Variants in ST3GAL3 observed in about 807,000 individuals in gnomAD.
ST3GAL3 encodes the protein ST3 beta-galactoside alpha-2,3-sialyltransferase 3, also known as CMP-N-acetylneuraminate-beta-1,4-galactoside alpha-2,3-sialyltransferase.
Under a neutral mutation model 50.1 loss-of-function variants are expected in ST3GAL3, and 21 were observed. The observed-to-expected ratio is 0.42, with a 90% CI of 0.30 to 0.60. ST3GAL3 has a LOEUF of 0.60. Among genes scored for constraint, ST3GAL3 ranks in the 20% least tolerant of loss-of-function variants. ST3GAL3 has a pLI of 0.19. For missense variants in ST3GAL3, 353 were observed against 489.4 expected, an observed-to-expected ratio of 0.72 and a Z score of 2.63; for synonymous variants, 183 against 190.0, an observed-to-expected ratio of 0.96 and a Z score of 0.30.
At chr1:43,830,488 T>C (rs2063401588) in intron 4 of ST3GAL3, among the ~76,000 whole-genome samples, 1 of 152,250 alleles carries the variant, frequency 6.6e-6, no homozygotes, top group Non-Finnish European at 1.5e-5. Flanking sequence ...TACTGTGGCT[T>C]TGAATAACTC....
intron 5 of ST3GAL3, among the ~76,000 whole-genome samples, chr1:43,853,351 A>G (rs1466371202): frequency 6.6e-6 from 1 of 152,180 alleles, no homozygotes; most frequent in African/African-American, 2.4e-5. Context: ...AGATTTTTTC[A>G]TATTTTTTCT....
At chr1:43,745,902 T>C (rs959717582) in intron 2 of ST3GAL3, among the ~76,000 whole-genome samples, 2 of 152,252 alleles carry the variant, frequency 1.3e-5, no homozygotes, top group Admixed American at 6.5e-5. Context: ...GTGATGGCAT[T>C]GCAGGCATCA....
chr1:43,895,590 T>C (rs2077280170), intron 6 of ST3GAL3, among the ~76,000 whole-genome samples: 1 of 152,126 alleles, frequency 6.6e-6, no homozygotes, highest in African/African-American at 2.4e-5. Flanking sequence ...AAATAACTGC[T>C]AAAGGGGTGA....
chr1:43,879,906 G>A (rs1296515303), intron 5 of ST3GAL3, among the ~76,000 whole-genome samples: 1 of 152,212 alleles, frequency 6.6e-6, no homozygotes, highest in Admixed American at 6.5e-5. Flanking sequence ...GGATCCATCT[G>A]ACTTTTCCTG....
At chr1:43,812,814 C>T (rs932349685) in intron 3 of ST3GAL3, among the ~76,000 whole-genome samples, 7 of 151,980 alleles carry the variant, frequency 4.6e-5, no homozygotes, top group African/African-American at 1.5e-4. Context: ...CCAAGAGAGA[C>T]GTGAAGGGAC....
intron 4 of ST3GAL3, among the ~76,000 whole-genome samples, chr1:43,831,103 G>A (rs1229382073): frequency 6.6e-6 from 1 of 152,214 alleles, no homozygotes; most frequent in Non-Finnish European, 1.5e-5. Context: ...AACCAGTTGT[G>A]TCTTACCTGA....
intron 1 of ST3GAL3, among the ~76,000 whole-genome samples, chr1:43,715,462 C>G (rs1381123187): frequency 1.3e-5 from 2 of 151,584 alleles, no homozygotes; most frequent in African/African-American, 4.9e-5. Context: ...TCTGGTACCC[C>G]CTACTTGGGA....
chr1:43,768,401 A>G (rs924696701), intron 2 of ST3GAL3, among the ~76,000 whole-genome samples: 2 of 152,326 alleles, frequency 1.3e-5, no homozygotes, highest in Middle Eastern at 3.4e-3. Flanking sequence ...TGATCACACT[A>G]CTGCACTCCA....
intron 2 of ST3GAL3, among the ~76,000 whole-genome samples, chr1:43,782,323 C>T (rs1366977164): frequency 6.6e-6 from 1 of 152,224 alleles, no homozygotes; most frequent in Admixed American, 6.5e-5. Flanking sequence ...GTGAGACCCT[C>T]ATTGTCTGTC....
intron 9 of ST3GAL3, among the ~76,000 whole-genome samples, chr1:43,917,618 TA>T (rs1168411210): frequency 1.3e-5 from 1 of 74,094 alleles, no homozygotes; most frequent in Non-Finnish European, 2.4e-5. Context: ...TATTATATAT[TA>T]TATTATATAT....
At chr1:43,775,914 G>A (rs1312930332) in intron 2 of ST3GAL3, among the ~76,000 whole-genome samples, 1 of 152,106 alleles carries the variant, frequency 6.6e-6, no homozygotes, top group Non-Finnish European at 1.5e-5. Flanking sequence ...CAAGAGGCAG[G>A]TGAAGGAGAT....
At chr1:43,802,015 CAAA>C (rs2059379051) in intron 3 of ST3GAL3, among the ~76,000 whole-genome samples, 2 of 151,816 alleles carry the variant, frequency 1.3e-5, no homozygotes, top group South Asian at 2.1e-4. Flanking sequence ...AACAAACAAA[CAAA>C]CAAACCAAAA....
At chr1:43,782,601 T>G (rs12354267) in intron 2 of ST3GAL3, among the ~76,000 whole-genome samples, 1 of 152,036 alleles carries the variant, frequency 6.6e-6, no homozygotes, top group African/African-American at 2.4e-5. Flanking sequence ...TATCAGTCCC[T>G]CTTTTACTTC....
chr1:43,759,130 A>G (rs1017299095), intron 2 of ST3GAL3, among the ~76,000 whole-genome samples: 2 of 150,874 alleles, frequency 1.3e-5, no homozygotes, highest in African/African-American at 4.9e-5. Context: ...TAGTGATGAA[A>G]AAAAGGCATG....
intron 1 of ST3GAL3, among the ~76,000 whole-genome samples, chr1:43,716,909 T>G (rs777377217): frequency 2.0e-5 from 3 of 152,228 alleles, no homozygotes; most frequent in Admixed American, 6.5e-5. Flanking sequence ...TATAATGGCT[T>G]CTTCTTGCTC....
At chr1:43,815,037 G>T in intron 4 of ST3GAL3, 104 bp downstream of exon 4, 1 of 1,159,752 alleles carries the variant, frequency 8.6e-7, no homozygotes, top group South Asian at 1.2e-5. Context: ...GTGACTGGGG[G>T]ACTCCCTGGG....
intron 4 of ST3GAL3, among the ~76,000 whole-genome samples, chr1:43,833,752 G>A (rs2063861884): frequency 6.6e-6 from 1 of 152,172 alleles, no homozygotes; most frequent in Non-Finnish European, 1.5e-5. Context: ...AAGTGAGCAA[G>A]TGAAGATGAA....
intron 1 of ST3GAL3, among the ~76,000 whole-genome samples, chr1:43,732,052 A>G (rs1193799237): frequency 1.3e-5 from 2 of 152,238 alleles, no homozygotes; most frequent in Non-Finnish European, 2.9e-5. Context: ...TGTACATACT[A>G]TTCTACAGCT....
chr1:43,893,893 C>T (rs946749951), intron 5 of ST3GAL3, among the ~76,000 whole-genome samples: 5 of 152,206 alleles, frequency 3.3e-5, no homozygotes, highest in African/African-American at 7.2e-5. Flanking sequence ...GCTTTGCCCT[C>T]TCACCATGAA....
Sources: gnomAD v4.1 joint callset for allele counts (sites outside exome capture counted in the v4.1 genomes callset) on GRCh38, gnomAD v4.1.1 for gene constraint, MANE v1.5 for transcripts, NCBI Gene and HGNC (gene_info 2026-07-23, HGNC 2026-07-21) for gene names.